The following SPAG16 variants were observed in gnomAD, a reference collection of about 807,000 sequenced individuals.
The protein encoded by SPAG16 is sperm associated antigen 16, also known as sperm-associated antigen 16 protein.
In SPAG16, 86 loss-of-function variants were observed where a neutral mutation model predicts 80.4. The observed-to-expected ratio is 1.07, with a 90% CI of 0.90 to 1.28. The LOEUF (loss-of-function observed/expected upper bound fraction) is 1.28, where lower values mean the gene tolerates loss of function less well. Among genes scored for constraint, SPAG16 ranks in the 50% most tolerant of loss-of-function variants. The pLI, the probability that SPAG16 is intolerant of heterozygous loss-of-function variation, is 0.00. For synonymous variants in SPAG16, 294 were observed against 265.9 expected (o/e 1.11, Z -1.03); for missense variants, 870 against 765.3 (o/e 1.14, Z -1.61).
intron 10 of SPAG16, among the ~76,000 whole-genome samples, chr2:213,674,767 C>G (rs2063975893): frequency 4.0e-5 from 6 of 150,462 alleles, no homozygotes; most frequent in Admixed American, 3.9e-4. Flanking sequence ...GCCACATTTT[C>G]TTAATCCAGT....
At chr2:214,373,817 A>T (rs114038533) in intron 15 of SPAG16, among the ~76,000 whole-genome samples, 149 of 152,324 alleles carry the variant, frequency 9.8e-4, no homozygotes, top group Middle Eastern at 3.4e-3. Flanking sequence ...TTACTTTCTC[A>T]TAGCAACAGT....
intron 15 of SPAG16, among the ~76,000 whole-genome samples, chr2:214,198,070 A>T (rs2125712867): frequency 6.6e-6 from 1 of 152,146 alleles, no homozygotes; most frequent in South Asian, 2.1e-4. Flanking sequence ...ATGGTAGCAG[A>T]ATTGACCTCT....
At chr2:214,297,235 C>T (rs1275468792) in intron 15 of SPAG16, among the ~76,000 whole-genome samples, 1 of 151,940 alleles carries the variant, frequency 6.6e-6, no homozygotes, top group Non-Finnish European at 1.5e-5. Flanking sequence ...TCATAATTTG[C>T]AATTATTTTC....
chr2:214,396,254 T>C (rs1273747429), intron 15 of SPAG16, among the ~76,000 whole-genome samples: 2 of 152,122 alleles, frequency 1.3e-5, no homozygotes, highest in Non-Finnish European at 2.9e-5. Context: ...TGGCTTTTTG[T>C]TGTTTATTTT....
chr2:213,398,387 C>T (rs1246822479), intron 9 of SPAG16, among the ~76,000 whole-genome samples: 2 of 152,088 alleles, frequency 1.3e-5, no homozygotes, highest in African/African-American at 2.4e-5. Flanking sequence ...CCTCTGAGGC[C>T]CTACATTACC....
chr2:213,980,725 TAG>T lies in SPAG16; in HGVS notation c.1401-33193_1401-33192del, dbSNP rs1553686631. On this transcript the variant is annotated intron_variant, in intron 12 of 15. Transcript: ENST00000331683. ...GTGTGTGTGTGTGTATATATATATA[TAG>T]AGAGAGAGAGAGAGAGAGAGAGAGA... Among the ~76,000 whole-genome samples, 197 of 103,884 alleles carry T rather than the reference TAG, an allele frequency of 1.9e-3. 2 individuals are homozygous for T. The highest frequency in any genetic ancestry group is 2.3e-3 in the Admixed American group (21 of 9,294). The allele number at this position is 103,884 out of a possible 152,430, so 68.2% of individuals were successfully genotyped here. A position where few individuals can be genotyped will look rare whatever the true frequency, so the allele number is the denominator to read the frequency against.
intron 15 of SPAG16, among the ~76,000 whole-genome samples, chr2:214,355,194 T>A (rs554533232): frequency 0.013 from 1,874 of 148,398 alleles, 24 homozygotes; most frequent in Non-Finnish European, 0.022. Context: ...ACTAAAGAGC[T>A]TCTGCACAGC....
At chr2:214,113,739 T>C (rs62197897) in intron 14 of SPAG16, among the ~76,000 whole-genome samples, 30,060 of 152,110 alleles carry the variant, frequency 0.2, 3,683 homozygotes, top group Non-Finnish European at 0.28. Context: ...TTTTTCAAGG[T>C]TTTTAGCTTC....
chr2:214,260,934 C>G (rs1269857970), intron 15 of SPAG16, among the ~76,000 whole-genome samples: 2 of 151,704 alleles, frequency 1.3e-5, no homozygotes, highest in Non-Finnish European at 2.9e-5. Context: ...TGGCGAAACC[C>G]TGTCTCTACT....
chr2:213,674,653 C>T (rs1314201390), intron 10 of SPAG16, among the ~76,000 whole-genome samples: 24 of 149,572 alleles, frequency 1.6e-4, no homozygotes, highest in East Asian at 3.9e-4. Flanking sequence ...TTTGTCCTTG[C>T]GATAGTTTAC....
At chr2:213,993,129 A>T (rs774740979) in intron 12 of SPAG16, among the ~76,000 whole-genome samples, 1 of 152,216 alleles carries the variant, frequency 6.6e-6, no homozygotes, top group Admixed American at 6.5e-5. Context: ...TCAGCGTGAA[A>T]CTAAGAGACA....
chr2:213,666,915 C>A (rs1424915222), intron 10 of SPAG16, among the ~76,000 whole-genome samples: 1 of 152,130 alleles, frequency 6.6e-6, no homozygotes, highest in Non-Finnish European at 1.5e-5. Context: ...GAATGGAAAT[C>A]TGGATACAAT....
At chr2:213,889,158 A>G (rs2076680337) in intron 11 of SPAG16, among the ~76,000 whole-genome samples, 2 of 152,026 alleles carry the variant, frequency 1.3e-5, no homozygotes, top group Admixed American at 6.6e-5. Context: ...TGGCACTTTA[A>G]GAAGATAGAA....
intron 11 of SPAG16, among the ~76,000 whole-genome samples, chr2:213,878,839 G>A (rs1248420814): frequency 4.6e-5 from 7 of 152,052 alleles, no homozygotes; most frequent in Non-Finnish European, 1.5e-5. Flanking sequence ...GTGGGAGATA[G>A]GGGTCCAGCT....
chr2:214,129,715 T>G (rs2054667518), intron 14 of SPAG16, among the ~76,000 whole-genome samples: 1 of 152,176 alleles, frequency 6.6e-6, no homozygotes, highest in Non-Finnish European at 1.5e-5. Context: ...CTCAAGACTT[T>G]ACTTTTCTAT....
At chr2:213,992,227 T>G (rs1443313302) in intron 12 of SPAG16, among the ~76,000 whole-genome samples, 1 of 152,208 alleles carries the variant, frequency 6.6e-6, no homozygotes, top group Non-Finnish European at 1.5e-5. Flanking sequence ...TTACTGAATT[T>G]TACCAGAACC....
At chr2:213,944,064 C>G (rs1302271872) in intron 12 of SPAG16, among the ~76,000 whole-genome samples, 1 of 152,208 alleles carries the variant, frequency 6.6e-6, no homozygotes, top group Non-Finnish European at 1.5e-5. Flanking sequence ...CCACTCTCAC[C>G]AAAGGTCCAG....
chr2:214,108,367 G>C (rs1157019734), intron 14 of SPAG16, 106 bp downstream of exon 14: 2 of 805,482 alleles, frequency 2.5e-6, no homozygotes, highest in Non-Finnish European at 3.8e-6. Flanking sequence ...GAGGTGAGAA[G>C]AACAACTTTA....
intron 15 of SPAG16, among the ~76,000 whole-genome samples, chr2:214,194,135 C>T (rs2057757741): frequency 6.6e-6 from 1 of 151,982 alleles, no homozygotes; most frequent in African/African-American, 2.4e-5. Flanking sequence ...ATTATATGAC[C>T]AGTAGGCTCA....
Sources: gnomAD v4.1 joint callset for allele counts (sites outside exome capture counted in the v4.1 genomes callset) on GRCh38, gnomAD v4.1.1 for gene constraint, MANE v1.5 for transcripts, NCBI Gene and HGNC (gene_info 2026-07-23, HGNC 2026-07-21) for gene names.